Variants in U2SURP observed in about 807,000 individuals in gnomAD.
The protein encoded by U2SURP is U2 snRNP-associated SURP motif-containing protein.
In U2SURP, 9 loss-of-function variants were observed where a neutral mutation model predicts 144.9. The observed-to-expected ratio is 0.06, with a 90% confidence interval of 0.04 to 0.11. The LOEUF (loss-of-function observed/expected upper bound fraction) is 0.11, where lower values mean the gene tolerates loss of function less well. Among genes scored for constraint, U2SURP ranks in the 10% least tolerant of loss-of-function variants. The probability of loss-of-function intolerance (pLI) is 1.00; values close to 1 mark genes in which losing one functional copy is unlikely to be tolerated. For synonymous variants in U2SURP, 408 were observed against 396.8 expected (o/e 1.03, Z -0.33); for missense variants, 724 against 1,226.7 (o/e 0.59, Z 6.12).
At chr3:143,033,421 T>C (rs1480017943) in intron 18 of U2SURP, 71 bp downstream of exon 18, 4 of 828,714 alleles carry the variant, frequency 4.8e-6, no homozygotes, top group Non-Finnish European at 7.6e-6. Context: ...AAAAGAGGAT[T>C]GTTTTGTTAA....
intron 10 of U2SURP, among the ~76,000 whole-genome samples, 166 bp from the exon 11 acceptor site, chr3:143,022,331 A>G (rs1936679692): frequency 6.6e-6 from 1 of 152,220 alleles, no homozygotes; most frequent in African/African-American, 2.4e-5. Context: ...TGATTTATGA[A>G]TGCCCCACGC....
intron 22 of U2SURP, 85 bp from the exon 23 acceptor site, chr3:143,038,809 A>T: frequency 1.0e-6 from 1 of 1,003,110 alleles, no homozygotes; most frequent in Non-Finnish European, 1.4e-6. Context: ...AAACTTTTCA[A>T]TTCTAAAGCT....
chr3:143,016,124 A>G, intron 4 of U2SURP, 133 bp from the exon 5 acceptor site: 1 of 613,784 alleles, frequency 1.6e-6, no homozygotes, highest in South Asian at 2.3e-5. Context: ...TAAAGATTAG[A>G]CGTTATTACT....
At chr3:143,003,385 T>G (rs73005387) in intron 1 of U2SURP, among the ~76,000 whole-genome samples, 257 of 152,348 alleles carry the variant, frequency 1.7e-3, no homozygotes, top group African/African-American at 6.0e-3. Flanking sequence ...ACTTGGTAAT[T>G]AATTATATTT....
At chr3:143,014,258 G>T in intron 3 of U2SURP, 53 bp from the exon 4 acceptor site, 1 of 1,272,778 alleles carries the variant, frequency 7.9e-7, no homozygotes, top group South Asian at 1.4e-5. Context: ...GTGTATTAAA[G>T]TTTTAGATAG....
At chr3:143,050,840 T>TACTA (rs1934820305) in intron 24 of U2SURP, 99 bp from the exon 25 acceptor site, 3 of 736,030 alleles carry the variant, frequency 4.1e-6, no homozygotes, top group Non-Finnish European at 6.7e-6. Flanking sequence ...TTTGACTGAG[T>TACTA]ACTAATTAGT....
At chr3:143,043,413 T>G in intron 24 of U2SURP, 137 bp downstream of exon 24, 1 of 889,000 alleles carries the variant, frequency 1.1e-6, no homozygotes, top group Admixed American at 3.1e-5. Context: ...CCAGATGACT[T>G]TTCTTCAGGC....
intron 1 of U2SURP, among the ~76,000 whole-genome samples, chr3:143,004,695 T>C (rs938637681): frequency 6.6e-6 from 1 of 151,904 alleles, no homozygotes; most frequent in Non-Finnish European, 1.5e-5. Flanking sequence ...CTTACCTTTA[T>C]TCATAATTGT....
chr3:143,031,807 T>C (rs557299640), intron 16 of U2SURP, among the ~76,000 whole-genome samples: 1 of 152,350 alleles, frequency 6.6e-6, no homozygotes, highest in East Asian at 1.9e-4. Flanking sequence ...GTTGCATTGA[T>C]TCATTGCCTA....
intron 6 of U2SURP, among the ~76,000 whole-genome samples, chr3:143,018,274 AT>A (rs1218298276): frequency 6.6e-6 from 1 of 151,704 alleles, no homozygotes. Context: ...TATTCTGGAC[AT>A]TTTTTATGGA....
At chr3:143,022,390 C>A in intron 10 of U2SURP, 107 bp from the exon 11 acceptor site, 1 of 1,017,896 alleles carries the variant, frequency 9.8e-7, no homozygotes, top group Non-Finnish European at 1.3e-6. Flanking sequence ...AAAATTGAAG[C>A]ACGTTGCTAT....
intron 2 of U2SURP, chr3:143,011,892 A>G (rs992896350): frequency 4.2e-6 from 2 of 471,166 alleles, no homozygotes; most frequent in Non-Finnish European, 8.3e-6. Flanking sequence ...CACCAGTTTT[A>G]CTTGGGAGTG....
intron 1 of U2SURP, among the ~76,000 whole-genome samples, chr3:143,003,673 A>G (rs368201292): frequency 1.2e-5 from 1 of 81,942 alleles, no homozygotes; most frequent in African/African-American, 4.4e-5. Context: ...TATTTATTTT[A>G]TTTCTTTTTT....
chr3:143,004,914 A>G (rs1478212014), intron 1 of U2SURP, among the ~76,000 whole-genome samples: 1 of 151,716 alleles, frequency 6.6e-6, no homozygotes, highest in South Asian at 2.1e-4. Flanking sequence ...TTTTGAGAGG[A>G]GAGAGAGAGA....
chr3:143,026,469 A>C (rs1312163057), intron 13 of U2SURP: 1 of 152,088 alleles, frequency 6.6e-6, no homozygotes, highest in African/African-American at 2.4e-5. Flanking sequence ...TTTTGGAGGG[A>C]AAAAAGATAT....
chr3:143,032,739 GAA>G (rs1161661959), intron 16 of U2SURP, 43 bp from the exon 17 acceptor site: 47 of 1,525,898 alleles, frequency 3.1e-5, no homozygotes, highest in Non-Finnish European at 3.9e-5. Flanking sequence ...AATGGCATTT[GAA>G]ATTGTATCTA....
intron 1 of U2SURP, among the ~76,000 whole-genome samples, chr3:143,003,658 CTTT>C (rs1239125816): frequency 2.4e-5 from 3 of 123,978 alleles, no homozygotes; most frequent in South Asian, 2.6e-4. Context: ...CAGATAGCTG[CTTT>C]TTATTTATTT....
Position 143,032,856 on chromosome 3 carries a change from T to G in U2SURP, c.1683T>G (p.Val561=). The G allele has an allele frequency of 6.2e-7, 1 of 1,613,700 alleles. No homozygotes were observed. The highest frequency in any genetic ancestry group is 8.5e-7 in the Non-Finnish European group (1 of 1,179,730). The change falls in exon 17 of 28, where the codon GTT becomes GTG. Residue 561 remains valine (V), a synonymous_variant. Transcript: ENST00000473835. ...PRKNDIGDAM[V]FCLNNAEAAE... is the part of the protein sequence containing the mutation. ...AAAATGATATTGGAGATGCAATGGT[T>G]TTCTGTCTTAATAATGCTGAAGCTG...
intron 8 of U2SURP, 106 bp from the exon 9 acceptor site, chr3:143,021,244 T>G (rs1311077108): frequency 1.6e-6 from 2 of 1,240,534 alleles, no homozygotes; most frequent in African/African-American, 1.5e-5. Flanking sequence ...TCTTTTTGTC[T>G]CTCAGAAATA....
Sources: gnomAD v4.1 joint callset for allele counts (sites outside exome capture counted in the v4.1 genomes callset) on GRCh38, gnomAD v4.1.1 for gene constraint, MANE v1.5 for transcripts, NCBI Gene and HGNC (gene_info 2026-07-23, HGNC 2026-07-21) for gene names.